The following STXBP4 variants were observed in gnomAD, a reference collection of about 807,000 sequenced individuals.
STXBP4 encodes syntaxin binding protein 4, also known as syntaxin-binding protein 4.
STXBP4 carries 55 observed loss-of-function variants against 76.1 expected under a neutral mutation model. That is an observed-to-expected ratio of 0.72 (90% CI 0.58 to 0.91). STXBP4 has a LOEUF of 0.91. STXBP4 is among the 40% of genes least tolerant of loss of function. The pLI is 0.00. For missense variants in STXBP4, 618 were observed against 636.9 expected (o/e 0.97, Z 0.32); for synonymous variants, 201 against 220.2 (o/e 0.91, Z 0.77).
At chr17:55,151,265 A>G (rs1387809315) in intron 17 of STXBP4, among the ~76,000 whole-genome samples, 2 of 152,194 alleles carry the variant, frequency 1.3e-5, no homozygotes, top group Non-Finnish European at 2.9e-5. Context: ...TGGTCCCACT[A>G]CTGTGTGACC....
At chr17:54,978,148 T>C (rs1242751399) in intron 1 of STXBP4, among the ~76,000 whole-genome samples, 1 of 152,302 alleles carries the variant, frequency 6.6e-6, no homozygotes, top group East Asian at 1.9e-4. Flanking sequence ...AGACTTGTAG[T>C]TTAATAAGCC....
chr17:54,999,205 T>C (rs1298813968), intron 4 of STXBP4, 140 bp from the exon 5 acceptor site: 3 of 607,700 alleles, frequency 4.9e-6, no homozygotes, highest in Non-Finnish European at 8.6e-6. Context: ...GAGATTTTGC[T>C]ACTGAGGTTG....
At chr17:55,069,069 G>A (rs1004034249) in intron 12 of STXBP4, among the ~76,000 whole-genome samples, 17 of 149,540 alleles carry the variant, frequency 1.1e-4, no homozygotes, top group African/African-American at 4.2e-4. Context: ...TCTGCTCTTT[G>A]AAGTTTCATT....
At chr17:55,113,217 C>CCACA (rs10611316) in intron 16 of STXBP4, among the ~76,000 whole-genome samples, 2,546 of 141,382 alleles carry the variant, frequency 0.018, 41 homozygotes, top group East Asian at 0.079. Flanking sequence ...GGTGCTCTTA[C>CCACA]CACACACACA....
chr17:55,142,522 AC>A lies in STXBP4; in HGVS notation c.1547+1157del, dbSNP rs564836734. Among the ~76,000 whole-genome samples the A allele has an allele frequency of 2.0e-5, 3 of 152,296 alleles. No individual in the cohort carries two copies. In the South Asian group the frequency reaches 6.2e-4, roughly 32 times the overall value. The stretch of plus-strand genomic sequence containing the variant: ...CACATCATATACTGAGGGGAATATT[AC>A]CTACTTTATAAAGTTGTTTAATCTT... On this transcript the variant is annotated intron_variant, in intron 17 of 17. Coordinates refer to ENST00000376352, the MANE Select transcript of STXBP4 (RefSeq NM_178509.6).
At chr17:55,137,600 T>C (rs2080046453) in intron 16 of STXBP4, among the ~76,000 whole-genome samples, 1 of 152,122 alleles carries the variant, frequency 6.6e-6, no homozygotes, top group African/African-American at 2.4e-5. Context: ...CTGCTAGCTG[T>C]GTGACCTTGG....
At chr17:55,046,382 G>A (rs2078788602) in intron 11 of STXBP4, among the ~76,000 whole-genome samples, 1 of 151,828 alleles carries the variant, frequency 6.6e-6, no homozygotes, top group South Asian at 2.1e-4. Flanking sequence ...ATATTGCCAT[G>A]AATCTTTACC....
chr17:55,029,816 A>G (rs950127315), intron 8 of STXBP4, among the ~76,000 whole-genome samples: 1 of 152,124 alleles, frequency 6.6e-6, no homozygotes, highest in Non-Finnish European at 1.5e-5. Context: ...TTGAGACCGT[A>G]AACTCTTTGG....
intron 4 of STXBP4, among the ~76,000 whole-genome samples, chr17:54,998,148 A>G (rs138727899): frequency 1.2e-4 from 19 of 152,288 alleles, no homozygotes; most frequent in African/African-American, 4.6e-4. Flanking sequence ...GAGTAAAATA[A>G]CTGTGAATCA....
chr17:55,087,868 G>C (rs189358137), intron 16 of STXBP4, among the ~76,000 whole-genome samples: 12 of 152,156 alleles, frequency 7.9e-5, no homozygotes. Context: ...TAATTATTCT[G>C]ATCTGTGAGC....
intron 16 of STXBP4, among the ~76,000 whole-genome samples, chr17:55,086,217 A>T (rs990120974): frequency 2.6e-5 from 4 of 152,162 alleles, no homozygotes; most frequent in African/African-American, 9.7e-5. Context: ...GGCTGGTTAT[A>T]AATTAATTAT....
At chr17:54,992,342 C>T (rs2077730295) in intron 4 of STXBP4, among the ~76,000 whole-genome samples, 1 of 150,136 alleles carries the variant, frequency 6.7e-6, no homozygotes, top group Non-Finnish European at 1.5e-5. Flanking sequence ...GCTTGAGCCC[C>T]GAAGATCAAG....
intron 15 of STXBP4, among the ~76,000 whole-genome samples, chr17:55,079,618 A>T (rs1317652296): frequency 6.6e-6 from 1 of 151,636 alleles, no homozygotes; most frequent in Non-Finnish European, 1.5e-5. Context: ...AAAAAAAAGA[A>T]ATAGCCAGAT....
At chr17:55,188,350 T>C in the STXBP4 span, among the ~76,000 whole-genome samples, 1 of 152,184 alleles carries the variant, frequency 6.6e-6, no homozygotes, top group Non-Finnish European at 1.5e-5. Context: ...CTGGGAAATA[T>C]GGCATGATGA....
intron 12 of STXBP4, among the ~76,000 whole-genome samples, chr17:55,049,418 A>C (rs981221600): frequency 1.3e-5 from 2 of 152,036 alleles, no homozygotes; most frequent in Admixed American, 6.6e-5. Flanking sequence ...CAAAAGATGC[A>C]AATTTTTTAA....
the STXBP4 span, among the ~76,000 whole-genome samples, chr17:55,179,978 C>T: frequency 6.6e-6 from 1 of 152,106 alleles, no homozygotes; most frequent in Non-Finnish European, 1.5e-5. Flanking sequence ...TTCCTTGACT[C>T]AAACCGATAT....
chr17:55,152,514 T>C (rs1304304450), intron 17 of STXBP4, among the ~76,000 whole-genome samples: 2 of 152,154 alleles, frequency 1.3e-5, no homozygotes, highest in East Asian at 3.8e-4. Context: ...TTTAACTGAC[T>C]CACAGTTCCA....
intron 12 of STXBP4, among the ~76,000 whole-genome samples, chr17:55,058,690 T>A (rs892043286): frequency 1.3e-5 from 2 of 152,174 alleles, no homozygotes; most frequent in Admixed American, 6.5e-5. Flanking sequence ...GTTCTTATAG[T>A]CGATGGGCAT....
intron 8 of STXBP4, among the ~76,000 whole-genome samples, chr17:55,014,074 G>A (rs1247725762): frequency 6.6e-6 from 1 of 152,162 alleles, no homozygotes; most frequent in South Asian, 2.1e-4. Context: ...CCTAAAATTG[G>A]AGTATTGCAG....
Sources: gnomAD v4.1 joint callset for allele counts (sites outside exome capture counted in the v4.1 genomes callset) on GRCh38, gnomAD v4.1.1 for gene constraint, MANE v1.5 for transcripts, NCBI Gene and HGNC (gene_info 2026-07-23, HGNC 2026-07-21) for gene names.